Variants in UGT2B7 observed in about 807,000 individuals in gnomAD.
UGT2B7 encodes UDP-glucuronosyltransferase 2B7.
In UGT2B7, 51 loss-of-function variants were observed where a neutral mutation model predicts 51.9. That is an observed-to-expected ratio of 0.98 (90% CI 0.78 to 1.24). The LOEUF is 1.24. Ranked by LOEUF, UGT2B7 falls within the 50% of genes most tolerant of loss-of-function variation. UGT2B7 has a pLI of 0.00. For missense variants in UGT2B7, 727 were observed against 628.4 expected (o/e 1.16, Z -1.68); for synonymous variants, 225 against 211.6 (o/e 1.06, Z -0.55).
At chr4:69,087,958 G>A (rs999436189) in intron 1 of UGT2B7, among the ~76,000 whole-genome samples, 1 of 151,642 alleles carries the variant, frequency 6.6e-6, no homozygotes, top group Non-Finnish European at 1.5e-5. Flanking sequence ...TAGGGTACAT[G>A]GATACTGTCA....
Position 69,099,819 on chromosome 4 carries a change from C to A in UGT2B7, c.870+1131C>A, listed in dbSNP as rs1403674947. ...AGATATCATTCTTCATTTAATAGAA[C>A]CAGATTGTTCAGTACATCAAAATTA... On this transcript the variant is annotated intron_variant, in intron 2 of 5. Transcript: ENST00000305231. Among the ~76,000 whole-genome samples the A allele has an allele frequency of 3.9e-5, 6 of 152,050 alleles. No homozygotes were observed. In the South Asian group the frequency reaches 8.3e-4, roughly 21 times the overall value.
intron 1 of UGT2B7, among the ~76,000 whole-genome samples, chr4:69,082,568 G>C (rs1347076885): frequency 1.3e-5 from 2 of 151,986 alleles, no homozygotes; most frequent in African/African-American, 2.4e-5. Context: ...CCCTAATCCA[G>C]AGCAAGACCC....
intron 1 of UGT2B7, among the ~76,000 whole-genome samples, chr4:69,055,950 T>C (rs1158733435): frequency 6.6e-6 from 1 of 152,154 alleles, no homozygotes; most frequent in Non-Finnish European, 1.5e-5. Flanking sequence ...ATTCAGTAAA[T>C]TTCCAAAGTT....
chr4:69,084,454 A>C (rs1718905297), intron 1 of UGT2B7, among the ~76,000 whole-genome samples: 1 of 151,942 alleles, frequency 6.6e-6, no homozygotes, highest in Non-Finnish European at 1.5e-5. Flanking sequence ...AAAATGGATT[A>C]ATTTTTTAAT....
At position 69,055,500 on chromosome 4, in the gene UGT2B7, A is replaced by C. The variant is rs141885085; in HGVS notation, c.-159+3898A>C. ...AAAAAGACTAGATCCTAGTGTAAGCATCCTAATAAAAGAAGAAGTTCAAGA... is the reference window on the plus strand; with the variant it reads ...AAAAAGACTAGATCCTAGTGTAAGCCTCCTAATAAAAGAAGAAGTTCAAGA... On this transcript the variant is annotated intron_variant, in intron 1 of 5. Coordinates refer to the UGT2B7 transcript ENST00000502942. Among the ~76,000 whole-genome samples the C allele has an allele frequency of 3.7e-4, 56 of 152,302 alleles. 1 individual carries two copies. In the East Asian group the frequency reaches 9.4e-3, roughly 26 times the overall value.
In UGT2B7 at chr4:69,096,708, T is replaced by C. The variant is rs778794207; in HGVS notation, c.188T>C (p.Leu63Pro). The C allele has an allele frequency of 1.1e-4, 171 of 1,613,906 alleles. 1 individual carries two copies. The Admixed American group carries it at 2.6e-3, about 25-fold the overall frequency. Residue 63 changes from leucine (L) to proline (P), a missense_variant, in exon 1 of 6, where the codon CTT becomes CCT. Coordinates refer to ENST00000305231, the MANE Select transcript of UGT2B7 (RefSeq NM_001074.4). The part of the protein sequence containing the change: ...VTVLASSASI[L>P]FDPNNSSALK... ...GTACTGGCATCTTCAGCTTCCATTC[T>C]TTTTGATCCCAACAACTCATCCGCT...
At chr4:69,103,752 T>A (rs1719498702) in intron 3 of UGT2B7, among the ~76,000 whole-genome samples, 1 of 152,188 alleles carries the variant, frequency 6.6e-6, no homozygotes, top group African/African-American at 2.4e-5. Flanking sequence ...CTCTGGAAGC[T>A]CTTGGTGAAT....
intron 1 of UGT2B7, among the ~76,000 whole-genome samples, chr4:69,059,352 C>T (rs952338423): frequency 6.6e-6 from 1 of 152,224 alleles, no homozygotes; most frequent in Non-Finnish European, 1.5e-5. Flanking sequence ...CCTGAATTCT[C>T]ATCCCAAATG....
intron 1 of UGT2B7, among the ~76,000 whole-genome samples, chr4:69,065,632 G>A (rs541566590): frequency 2.6e-5 from 4 of 152,254 alleles, no homozygotes; most frequent in African/African-American, 9.6e-5. Context: ...CAAATTATAT[G>A]TACTTTCTAA....
intron 1 of UGT2B7, among the ~76,000 whole-genome samples, chr4:69,071,351 T>A (rs1329962816): frequency 6.6e-6 from 1 of 152,106 alleles, no homozygotes; most frequent in Non-Finnish European, 1.5e-5. Context: ...TCGTAACATA[T>A]TGAAAACTAA....
intron 1 of UGT2B7, among the ~76,000 whole-genome samples, chr4:69,079,263 G>A (rs183873418): frequency 9.9e-5 from 15 of 152,272 alleles, no homozygotes; most frequent in Admixed American, 3.3e-4. Flanking sequence ...CTGCTGGGCC[G>A]GAAGCTCTAG....
intron 1 of UGT2B7, among the ~76,000 whole-genome samples, chr4:69,066,673 C>T (rs1718489526): frequency 6.6e-6 from 1 of 152,070 alleles, no homozygotes; most frequent in Non-Finnish European, 1.5e-5. Flanking sequence ...AAGAGGTTGA[C>T]ATTTTATTAT....
intron 1 of UGT2B7, among the ~76,000 whole-genome samples, chr4:69,085,655 T>TTTTTTG (rs1159765993): frequency 9.9e-5 from 15 of 151,834 alleles, no homozygotes; most frequent in African/African-American, 3.4e-4. Flanking sequence ...CAGTTCATGG[T>TTTTTTG]TTTTTGTTTT....
At chr4:69,064,023 A>G (rs1043652215) in intron 1 of UGT2B7, among the ~76,000 whole-genome samples, 14 of 37,688 alleles carry the variant, frequency 3.7e-4, no homozygotes, top group Non-Finnish European at 4.5e-4. Flanking sequence ...GAGATGGGAA[A>G]GAAAGAAAGA....
chr4:69,056,679 T>C (rs1481323593), intron 1 of UGT2B7, among the ~76,000 whole-genome samples: 2 of 151,932 alleles, frequency 1.3e-5, no homozygotes, highest in African/African-American at 2.4e-5. Flanking sequence ...CGCTCCTTTG[T>C]TTCCTACCTG....
At chr4:69,088,806 G>A (rs942176558) in intron 1 of UGT2B7, among the ~76,000 whole-genome samples, 1 of 152,184 alleles carries the variant, frequency 6.6e-6, no homozygotes, top group African/African-American at 2.4e-5. Context: ...CCTCTCCTGA[G>A]GTAGGACAAA....
At chr4:69,064,034 A>AAGAAAGAC (rs1718417758) in intron 1 of UGT2B7, among the ~76,000 whole-genome samples, 1 of 90,938 alleles carries the variant, frequency 1.1e-5, no homozygotes, top group Non-Finnish European at 2.0e-5. Context: ...GAAAGAAAGA[A>AAGAAAGAC]AGAAAGAAAG....
chr4:69,082,651 A>G (rs1475445104), intron 1 of UGT2B7, among the ~76,000 whole-genome samples: 1 of 152,084 alleles, frequency 6.6e-6, no homozygotes, highest in African/African-American at 2.4e-5. Context: ...GCTAGCAGAC[A>G]TTGGCTCATG....
At chr4:69,058,147 ATCT>A (rs1422405941) in intron 1 of UGT2B7, among the ~76,000 whole-genome samples, 2 of 152,206 alleles carry the variant, frequency 1.3e-5, no homozygotes, top group African/African-American at 4.8e-5. Context: ...TGAAAGTGAA[ATCT>A]TCTCTGGCAA....
Sources: gnomAD v4.1 joint callset for allele counts (sites outside exome capture counted in the v4.1 genomes callset) on GRCh38, gnomAD v4.1.1 for gene constraint, MANE v1.5 for transcripts, NCBI Gene and HGNC (gene_info 2026-07-23, HGNC 2026-07-21) for gene names.